Variants in MARK4 observed in about 807,000 individuals in gnomAD.
MARK4 encodes MAP/microtubule affinity-regulating kinase 4.
In MARK4, 19 loss-of-function variants were observed where a neutral mutation model predicts 81.5. The observed-to-expected ratio is 0.23, with a 90% CI of 0.16 to 0.34. MARK4 has a LOEUF of 0.34. Among genes scored for constraint, MARK4 ranks in the 10% least tolerant of loss-of-function variants. The pLI is 1.00. For missense variants in MARK4, 772 were observed against 1,058.8 expected, an observed-to-expected ratio of 0.73 and a Z score of 3.76; for synonymous variants, 436 against 439.0, an observed-to-expected ratio of 0.99 and a Z score of 0.08.
intron 7 of MARK4, among the ~76,000 whole-genome samples, chr19:45,268,710 A>C (rs1404112811): frequency 2.0e-5 from 3 of 151,970 alleles, no homozygotes; most frequent in Non-Finnish European, 4.4e-5. Flanking sequence ...ATGCCACTGC[A>C]TTCCAACCTG....
chr19:45,267,676 GT>G (rs1970473451), intron 7 of MARK4, among the ~76,000 whole-genome samples: 1 of 152,140 alleles, frequency 6.6e-6, no homozygotes, highest in Non-Finnish European at 1.5e-5. Flanking sequence ...GGTTGGTTTT[GT>G]TGTTTTGTTT....
At chr19:45,273,184 C>T (rs1054641227) in intron 8 of MARK4, among the ~76,000 whole-genome samples, 4 of 151,402 alleles carry the variant, frequency 2.6e-5, no homozygotes, top group Non-Finnish European at 4.4e-5. Context: ...TGCCAATCTA[C>T]GGAAAAGTTG....
At chr19:45,255,686 TG>T (rs1311058663) in intron 1 of MARK4, among the ~76,000 whole-genome samples, 1 of 152,148 alleles carries the variant, frequency 6.6e-6, no homozygotes, top group Non-Finnish European at 1.5e-5. Flanking sequence ...ATTGCATCAA[TG>T]ACCAGCATTA....
intron 8 of MARK4, among the ~76,000 whole-genome samples, chr19:45,275,698 C>T (rs2123061675): frequency 6.6e-6 from 1 of 152,334 alleles, no homozygotes; most frequent in East Asian, 1.9e-4. Context: ...CACTTTCTGG[C>T]TGTGCAATCC....
In MARK4 at chr19:45,304,008, G is replaced by A. The variant is rs1971016249; in HGVS notation, c.*1298G>A. On this transcript the variant is annotated 3_prime_UTR_variant, in exon 17 of 17. Coordinates refer to ENST00000262891, the MANE Select transcript of MARK4 (RefSeq NM_001199867.2). ...TGGATGGAGAATCAGCAAGAGAAAT[G>A]CTGTATTAGGACTAATAATCCATCT... The A allele has an allele frequency of 6.6e-6, 1 of 152,278 alleles. No individual in the cohort carries two copies. Among genetic ancestry groups the A allele is most frequent in the Admixed American group, 6.5e-5 (1 of 15,280 alleles). The allele number at this position is 152,278 out of a possible 1,614,324, so 9.4% of individuals were successfully genotyped here.
intron 12 of MARK4, among the ~76,000 whole-genome samples, chr19:45,286,531 G>A (rs930195456): frequency 8.6e-5 from 13 of 151,512 alleles, no homozygotes; most frequent in South Asian, 6.3e-4. Flanking sequence ...ACAACATGGC[G>A]AAATCCTGTC....
intron 2 of MARK4, among the ~76,000 whole-genome samples, chr19:45,261,265 T>G (rs919541410): frequency 6.6e-6 from 1 of 152,158 alleles, no homozygotes; most frequent in African/African-American, 2.4e-5. Flanking sequence ...GAAACAAAAT[T>G]ACAGGCCAAT....
At chr19:45,299,964 C>G in intron 16 of MARK4, 109 bp downstream of exon 16, 1 of 1,013,916 alleles carries the variant, frequency 9.9e-7, no homozygotes, top group Non-Finnish European at 1.4e-6. Flanking sequence ...CCTGCAAGGC[C>G]AACTTCCTGA....
chr19:45,297,689 C>G lies in MARK4; in HGVS notation c.1612C>G (p.Arg538Gly). The G allele has an allele frequency of 6.5e-7, 1 of 1,526,800 alleles. No homozygotes were observed. The highest frequency in any genetic ancestry group is 8.7e-7 in the Non-Finnish European group (1 of 1,143,982). The allele number at this position is 1,526,800 out of a possible 1,614,324, so 94.6% of individuals were successfully genotyped here. Residue 538 changes from arginine (R) to glycine (G), a missense_variant, in exon 15 of 17, where the codon CGG (arginine) becomes GGG (glycine). Around this residue, in one of 3 missense-constraint regions of MARK4, gnomAD observed 548 missense variants for 624.3 expected, o/e 0.88. Transcript: ENST00000262891. ...NGKENSSGTPRVPPASPSSHS... is the reference protein window; with the variant it reads ...NGKENSSGTPGVPPASPSSHS... ...CTCTGCCCACAGCTCAGGCACCCCA[C>G]GGGTGCCCCCTGCCTCCCCCTCCAG...
In MARK4 at chr19:45,251,284, C is replaced by T. The variant is rs1387238924; in HGVS notation, c.-305C>T. ...TGACGTCCCTTCCTCCCTCCCCAGC[C>T]CCTCCACCGCCTCCCTCCGCCGCCG... On this transcript the variant is annotated 5_prime_UTR_variant, in exon 1 of 17. Coordinates refer to ENST00000262891, the MANE Select transcript of MARK4 (RefSeq NM_001199867.2). 6.8e-6 allele frequency: 1 copy of T among 146,090 alleles called. No individual in the cohort carries two copies. The highest frequency in any genetic ancestry group is 2.5e-5 in the African/African-American group (1 of 39,462). The allele number at this position is 146,090 out of a possible 1,614,324, so 9.0% of individuals were successfully genotyped here. A position where few individuals can be genotyped will look rare whatever the true frequency, so the allele number is the denominator to read the frequency against.
intron 1 of MARK4, among the ~76,000 whole-genome samples, chr19:45,258,066 A>G (rs1321616047): frequency 1.4e-5 from 2 of 147,178 alleles, no homozygotes; most frequent in Non-Finnish European, 3.0e-5. Context: ...GCTCACTACA[A>G]CCTCTGCCTC....
At chr19:45,260,264 C>T (rs1334930723) in intron 2 of MARK4, among the ~76,000 whole-genome samples, 2 of 150,742 alleles carry the variant, frequency 1.3e-5, no homozygotes, top group African/African-American at 4.9e-5. Context: ...ATAGCAGGCA[C>T]CTGTAATTTC....
chr19:45,279,729 T>G (rs1011259450), intron 10 of MARK4, among the ~76,000 whole-genome samples: 1 of 152,176 alleles, frequency 6.6e-6, no homozygotes, highest in Non-Finnish European at 1.5e-5. Context: ...GAATAGAGTA[T>G]GCAGCCTTCA....
chr19:45,254,958 T>C (rs1402659001), intron 1 of MARK4, among the ~76,000 whole-genome samples: 1 of 152,150 alleles, frequency 6.6e-6, no homozygotes, highest in Non-Finnish European at 1.5e-5. Flanking sequence ...CCCAGAACTT[T>C]GGGAGACCCA....
intron 8 of MARK4, among the ~76,000 whole-genome samples, chr19:45,276,328 A>G (rs1970597219): frequency 6.6e-6 from 1 of 152,052 alleles, no homozygotes; most frequent in Non-Finnish European, 1.5e-5. Context: ...CGCCTGGCCT[A>G]TTGCGGTTTT....
intron 8 of MARK4, among the ~76,000 whole-genome samples, chr19:45,275,487 T>TA (rs36070190): frequency 1.7e-3 from 251 of 145,052 alleles, no homozygotes; most frequent in Middle Eastern, 7.0e-3. Flanking sequence ...CCTGTCTCTT[T>TA]AAAAAAAAAA....
chr19:45,257,949 A>G (rs2123026936), intron 1 of MARK4, among the ~76,000 whole-genome samples: 1 of 150,132 alleles, frequency 6.7e-6, no homozygotes, highest in Non-Finnish European at 1.5e-5. Context: ...TCGGCCTCCC[A>G]AAGTGCTGGA....
At chr19:45,253,298 T>G (rs530096623) in intron 1 of MARK4, among the ~76,000 whole-genome samples, 1 of 152,184 alleles carries the variant, frequency 6.6e-6, no homozygotes, top group East Asian at 1.9e-4. Flanking sequence ...AACTCCAATT[T>G]GGAGTCTAAT....
At chr19:45,259,964 A>G (rs572830507) in intron 2 of MARK4, among the ~76,000 whole-genome samples, 1 of 151,556 alleles carries the variant, frequency 6.6e-6, no homozygotes, top group African/African-American at 2.4e-5. Context: ...GCACATGCCT[A>G]TAATCTCAGC....
Sources: gnomAD v4.1 joint callset for allele counts (sites outside exome capture counted in the v4.1 genomes callset) on GRCh38, gnomAD v4.1.1 for gene constraint, gnomAD v4.1.1 regional missense constraint, MANE v1.5 for transcripts, NCBI Gene and HGNC (gene_info 2026-07-23, HGNC 2026-07-21) for gene names.